SHLD1: variants seen among roughly 807,000 people sequenced by gnomAD.
The protein encoded by SHLD1 is RINN1-REV7-interacting novel NHEJ regulator 3.
SHLD1 carries 3 observed loss-of-function variants against 5.5 expected under a neutral mutation model. The ratio of observed to expected loss-of-function variants is 0.54; its 90% confidence interval spans 0.25 to 1.40. The LOEUF (loss-of-function observed/expected upper bound fraction) is 1.40, where lower values mean the gene tolerates loss of function less well. Ranked by LOEUF, SHLD1 falls within the 40% of genes most tolerant of loss-of-function variation. SHLD1 has a pLI of 0.15. For missense variants in SHLD1, 210 were observed against 244.4 expected, an observed-to-expected ratio of 0.86 and a Z score of 0.94; for synonymous variants, 92 against 94.3, an observed-to-expected ratio of 0.98 and a Z score of 0.14.
At chr20:5,798,154 C>T (rs1283844675) in intron 2 of SHLD1, among the ~76,000 whole-genome samples, 1 of 152,154 alleles carries the variant, frequency 6.6e-6, no homozygotes, top group Non-Finnish European at 1.5e-5. Context: ...TAGTCATCAG[C>T]TGGGAGCCCA....
intron 1 of SHLD1, among the ~76,000 whole-genome samples, chr20:5,752,986 G>A (rs191873337): frequency 2.0e-5 from 3 of 152,084 alleles, no homozygotes; most frequent in Non-Finnish European, 2.9e-5. Flanking sequence ...AGTAGAGATG[G>A]GGGGGTTTCA....
chr20:5,843,293 TTC>T (rs1043882020), intron 2 of SHLD1, among the ~76,000 whole-genome samples: 3 of 122,386 alleles, frequency 2.5e-5, no homozygotes, highest in Non-Finnish European at 4.7e-5. Flanking sequence ...AATTGTTTTT[TTC>T]TTTTTTTTTT....
chr20:5,824,989 C>T (rs1045663863), intron 2 of SHLD1, among the ~76,000 whole-genome samples: 5 of 152,076 alleles, frequency 3.3e-5, no homozygotes, highest in African/African-American at 9.7e-5. Context: ...CCTGTTATAC[C>T]CCAAAGAGAA....
intron 2 of SHLD1, among the ~76,000 whole-genome samples, chr20:5,814,313 GAA>G (rs2087499849): frequency 6.6e-6 from 1 of 152,078 alleles, no homozygotes; most frequent in African/African-American, 2.4e-5. Context: ...ATCAATCCAA[GAA>G]GCATCTTTGA....
Position 5,847,707 on chromosome 20 carries a change from G to C in SHLD1, c.179-15317G>C, listed in dbSNP as rs116147728. Among the ~76,000 whole-genome samples, 422 of 152,330 alleles carry C rather than the reference G, an allele frequency of 2.8e-3. 2 individuals carry two copies. Among genetic ancestry groups the C allele is most frequent in the African/African-American group, 9.6e-3 (397 of 41,568 alleles). On this transcript the variant is annotated intron_variant, in intron 2 of 2. Transcript: ENST00000303142. ...CAGGGAAATGGAAACCCAAATTGGA[G>C]ATACAACTTTAGTGTCTGACAATAT...
At chr20:5,779,361 A>G (rs901833247) in intron 2 of SHLD1, among the ~76,000 whole-genome samples, 1 of 152,150 alleles carries the variant, frequency 6.6e-6, no homozygotes, top group Non-Finnish European at 1.5e-5. Flanking sequence ...CTTAAGTTTC[A>G]GAATTGTCCA....
chr20:5,819,934 G>T (rs1183799752), intron 2 of SHLD1, among the ~76,000 whole-genome samples: 1 of 149,330 alleles, frequency 6.7e-6, no homozygotes, highest in Admixed American at 6.7e-5. Context: ...ACTTGACAGT[G>T]TTTTTTTTTT....
At position 5,773,030 on chromosome 20, in the gene SHLD1, T is replaced by G; in HGVS notation, c.165T>G (p.Ser55=). The G allele has an allele frequency of 4.3e-6, 7 of 1,614,210 alleles. No homozygotes were observed. The highest frequency in any genetic ancestry group is 5.9e-6 in the Non-Finnish European group (7 of 1,180,038). Residue 55 remains serine (S), a synonymous_variant, in exon 2 of 3, where the codon TCT becomes TCG. Coordinates refer to ENST00000303142, the MANE Select transcript of SHLD1 (RefSeq NM_152504.4). Reference sequence around the variant, plus strand: ...AATTCCATTCTTTTCCTTATTCTTCTGATGTGGATCCAGGTAATAAGCAGA... The same window carrying G: ...AATTCCATTCTTTTCCTTATTCTTCGGATGTGGATCCAGGTAATAAGCAGA... ...SLEFHSFPYS[S]DVDPDTSNLN... is the part of the protein sequence containing the mutation.
At position 5,855,560 on chromosome 20, in the gene SHLD1, C is replaced by T. The variant is rs1600183525; in HGVS notation, c.179-7464C>T. Among the ~76,000 whole-genome samples the T allele has an allele frequency of 6.6e-6, 1 of 152,012 alleles. No individual in the cohort carries two copies. Among genetic ancestry groups the T allele is most frequent in the South Asian group, 2.1e-4 (1 of 4,826 alleles). On this transcript the variant is annotated intron_variant, in intron 2 of 2. Coordinates refer to ENST00000303142, the MANE Select transcript of SHLD1 (RefSeq NM_152504.4). The surrounding 1 kb of genome is among the most constrained non-coding windows in gnomAD (Gnocchi z 4.4). ...CTAATTTTTGTATTTTTAGTAGATA[C>T]AGGGTTTCATCATGTTGCCCAGGCT...
chr20:5,799,380 G>T (rs995398435), intron 2 of SHLD1, among the ~76,000 whole-genome samples: 1 of 151,376 alleles, frequency 6.6e-6, no homozygotes, highest in Non-Finnish European at 1.5e-5. Flanking sequence ...GGCTCACTGC[G>T]GCCTCAACTT....
rs889250253 is a variant in SHLD1 at position 5,758,403 on chromosome 20, G to A, written c.-5+7924G>A. Among the ~76,000 whole-genome samples the A allele has an allele frequency of 6.8e-5, 10 of 146,326 alleles. No homozygotes were observed. The East Asian group carries it at 1.2e-3, about 17-fold the overall frequency. Reference sequence around the variant, plus strand: ...AGGAAGGGAAGGAAGTGAGCTTTGGGCCAAGTATTATTTTTTTTTATATTT... The same window carrying A: ...AGGAAGGGAAGGAAGTGAGCTTTGGACCAAGTATTATTTTTTTTTATATTT... On this transcript the variant is annotated intron_variant, in intron 1 of 2. Coordinates refer to ENST00000303142, the MANE Select transcript of SHLD1 (RefSeq NM_152504.4).
chr20:5,799,857 G>A (rs895789332), intron 2 of SHLD1, among the ~76,000 whole-genome samples: 2 of 152,182 alleles, frequency 1.3e-5, no homozygotes, highest in African/African-American at 4.8e-5. Context: ...TGAGAACCTG[G>A]AATGATTTGT....
intron 2 of SHLD1, among the ~76,000 whole-genome samples, chr20:5,799,152 G>A (rs1383210958): frequency 2.0e-5 from 3 of 151,874 alleles, no homozygotes; most frequent in South Asian, 4.2e-4. Flanking sequence ...GCAGTGAGTC[G>A]TGATTGCACC....
At chr20:5,846,610 T>A (rs1015230418) in intron 2 of SHLD1, among the ~76,000 whole-genome samples, 5 of 152,150 alleles carry the variant, frequency 3.3e-5, no homozygotes, top group African/African-American at 9.7e-5. Context: ...TGAATGATTG[T>A]TTTAAGTGTT....
rs1389440477 is a variant in SHLD1 at position 5,864,298 on chromosome 20, C to T, written c.*835C>T. 2.6e-5 allele frequency among the ~76,000 whole-genome samples: 4 copies of T among 152,208 alleles called. No homozygotes were observed. The highest frequency in any genetic ancestry group is 5.9e-5 in the Non-Finnish European group (4 of 68,040). Reference sequence around the variant, plus strand: ...GTGAGAAGGTAACAAATGTGCACCACCCACCACAGTATATGTAAGCACAAT... The same window carrying T: ...GTGAGAAGGTAACAAATGTGCACCATCCACCACAGTATATGTAAGCACAAT... On this transcript the variant is annotated 3_prime_UTR_variant, in exon 3 of 3. Coordinates refer to ENST00000303142, the MANE Select transcript of SHLD1 (RefSeq NM_152504.4).
chr20:5,805,726 G>A (rs2087365150), intron 2 of SHLD1, among the ~76,000 whole-genome samples: 3 of 151,972 alleles, frequency 2.0e-5, no homozygotes, highest in Admixed American at 1.3e-4. Context: ...TCAGTCTCCC[G>A]AGTAGCTGTG....
At chr20:5,797,566 AAAGAAG>A (rs147456945) in intron 2 of SHLD1, among the ~76,000 whole-genome samples, 1 of 151,408 alleles carries the variant, frequency 6.6e-6, no homozygotes, top group African/African-American at 2.4e-5. Flanking sequence ...CCATCTCAAA[AAAGAAG>A]AAGAAGAATA....
At chr20:5,840,983 A>T (rs1036430664) in intron 2 of SHLD1, among the ~76,000 whole-genome samples, 23 of 152,150 alleles carry the variant, frequency 1.5e-4, no homozygotes, top group Non-Finnish European at 5.9e-5. Flanking sequence ...TAAATAAAAG[A>T]TATTTATTAG....
At chr20:5,799,128 G>A (rs2087254536) in intron 2 of SHLD1, among the ~76,000 whole-genome samples, 1 of 152,036 alleles carries the variant, frequency 6.6e-6, no homozygotes, top group Admixed American at 6.6e-5. Context: ...ACCTGAGCCT[G>A]GGAGGCGGAG....
Sources: gnomAD v4.1 joint callset for allele counts (sites outside exome capture counted in the v4.1 genomes callset) on GRCh38, gnomAD v4.1.1 for gene constraint, Gnocchi (gnomAD v3.1) non-coding constraint, MANE v1.5 for transcripts, NCBI Gene and HGNC (gene_info 2026-07-23, HGNC 2026-07-21) for gene names.